The following LILRA1 variants were observed in gnomAD, a reference collection of about 807,000 sequenced individuals.
LILRA1 encodes the protein leukocyte immunoglobulin like receptor A1, also known as leukocyte immunoglobulin-like receptor subfamily A member 1.
In LILRA1, 51 loss-of-function variants were observed where a neutral mutation model predicts 51.6. The observed-to-expected ratio is 0.99, with a 90% CI of 0.79 to 1.25. LILRA1 has a LOEUF of 1.25. Ranked by LOEUF, LILRA1 falls within the 50% of genes most tolerant of loss-of-function variation. The probability of loss-of-function intolerance (pLI) is 0.00; values close to 1 mark genes in which losing one functional copy is unlikely to be tolerated. For missense variants in LILRA1, 660 were observed against 611.7 expected (o/e 1.08, Z -0.83); for synonymous variants, 305 against 248.4 (o/e 1.23, Z -2.14).
At chr19:54,598,072 G>A (rs181268252) in intron 7 of LILRA1, among the ~76,000 whole-genome samples, 62 of 151,542 alleles carry the variant, frequency 4.1e-4, no homozygotes, top group Admixed American at 3.3e-3. Flanking sequence ...GACTAAGGAG[G>A]GACCGTGCAC....
At chr19:54,599,924 A>T in intron 8 of LILRA1, among the ~76,000 whole-genome samples, 1 of 138,764 alleles carries the variant, frequency 7.2e-6, no homozygotes, top group African/African-American at 2.5e-5. Flanking sequence ...TCCATTTAGC[A>T]TATATATATA....
At position 54,595,647 on chromosome 19, in the gene LILRA1, A is replaced by C; in HGVS notation, c.670A>C (p.Lys224Gln). ...TGAGCACCTTTTCCCAGGTGTTTCT[A>C]AGAAGCCATCACTCTCAGTGCAGCC... ...LLELLVLGVS[K>Q]KPSLSVQPGP... The change falls in exon 6 of 10, where the codon AAG (lysine) becomes CAG (glutamine). Residue 224 changes from lysine to glutamine, a missense_variant. Physicochemically the swap from Lys to Gln is moderately conservative, Grantham distance 53. Coordinates refer to ENST00000251372, the MANE Select transcript of LILRA1 (RefSeq NM_006863.4). The C allele has an allele frequency of 2.5e-6, 4 of 1,606,376 alleles. No individual in the cohort carries two copies. Among genetic ancestry groups the C allele is most frequent in the East Asian group, 2.2e-5 (1 of 44,708 alleles).
intron 7 of LILRA1, among the ~76,000 whole-genome samples, chr19:54,596,962 C>G (rs2063071910): frequency 6.6e-6 from 1 of 152,016 alleles, no homozygotes; most frequent in Non-Finnish European, 1.5e-5. Context: ...GGCCTCCCAC[C>G]CCTGGCTCCC....
chr19:54,596,038 G>C (rs575023162), intron 6 of LILRA1, 103 bp downstream of exon 6: 31 of 1,391,246 alleles, frequency 2.2e-5, no homozygotes, highest in South Asian at 5.2e-5. Flanking sequence ...GGTCCCAAGG[G>C]AGGGAGAGAC....
chr19:54,596,058 CAG>C lies in LILRA1; in HGVS notation c.958+124_958+125del, dbSNP rs1347691716. On this transcript the variant is annotated intron_variant, in intron 6 of 9. Coordinates refer to ENST00000251372, the MANE Select transcript of LILRA1 (RefSeq NM_006863.4). ...CAAGGGAGGGAGAGACAGACAGAGA[CAG>C]GGGATGGGCGGGGCGGGGAAGACTC... 3 of 1,149,358 alleles carry C rather than the reference CAG, an allele frequency of 2.6e-6. No individual in the cohort carries two copies. In the East Asian group the frequency reaches 8.3e-5, roughly 32 times the overall value. The allele number at this position is 1,149,358 out of a possible 1,614,324, so 71.2% of individuals were successfully genotyped here.
chr19:54,596,327 C>T lies in LILRA1; in HGVS notation c.1097C>T (p.Pro366Leu), dbSNP rs554043948. ...LLTKAGAADA[P>L]LRLRSIHEYP... ...ACCAAGGCGGGAGCAGCTGATGCCC[C>T]CCTCCGTCTCAGATCAATACACGAA... The change falls in exon 7 of 10, where the codon CCC becomes CTC. Residue 366 changes from proline (P) to leucine (L), a missense_variant. Transcript: ENST00000251372. 2.4e-5 allele frequency: 38 copies of T among 1,614,100 alleles called. No individual in the cohort carries two copies. In the South Asian group the frequency reaches 3.3e-4, roughly 14 times the overall value.
intron 7 of LILRA1, 108 bp downstream of exon 7, chr19:54,596,599 G>GTAA: frequency 6.8e-7 from 1 of 1,477,580 alleles, no homozygotes; most frequent in East Asian, 2.3e-5. Context: ...TGGGCACGGT[G>GTAA]GCTTACACCT....
intron 7 of LILRA1, 64 bp from the exon 8 acceptor site, chr19:54,599,172 T>C: frequency 1.4e-6 from 2 of 1,453,482 alleles, no homozygotes; most frequent in Non-Finnish European, 9.2e-7. Context: ...TACATAATCT[T>C]ATATAGAATT....
In LILRA1 at chr19:54,596,854, G is replaced by A. The variant is rs1232855028; in HGVS notation, c.1261+363G>A. ...TGCACTCAATCCTGGGCAAGACAGCGAGACTCCATCTCAAAAAAAAAGGAA... is the reference window on the plus strand; with the variant it reads ...TGCACTCAATCCTGGGCAAGACAGCAAGACTCCATCTCAAAAAAAAAGGAA... On this transcript the variant is annotated intron_variant, in intron 7 of 9. Transcript: ENST00000251372. Among the ~76,000 whole-genome samples the A allele has an allele frequency of 4.6e-5, 7 of 151,764 alleles. No individual in the cohort carries two copies. In the East Asian group the frequency reaches 5.8e-4, roughly 13 times the overall value.
intron 7 of LILRA1, among the ~76,000 whole-genome samples, chr19:54,598,397 T>G (rs2063102950): frequency 6.6e-6 from 1 of 152,014 alleles, no homozygotes; most frequent in Non-Finnish European, 1.5e-5. Context: ...TTAACGAACT[T>G]CAGAAATGTT....
chr19:54,596,082 A>G, intron 6 of LILRA1, 107 bp from the exon 7 acceptor site: 6 of 1,514,422 alleles, frequency 4.0e-6, no homozygotes, highest in Non-Finnish European at 5.3e-6. Context: ...GGCGGGGAAG[A>G]CTCAGAGAAA....
rs113762506 is a variant in LILRA1, at chr19:54,597,817, C to T, written c.1261+1326C>T. ...ACTGTGATGAGGGTGAAGTCCACCC[C>T]GAGCAGAAATGAGTGATACACAACA... On this transcript the variant is annotated intron_variant, in intron 7 of 9. Transcript: ENST00000251372. 8.2e-3 allele frequency among the ~76,000 whole-genome samples: 1,246 copies of T among 151,760 alleles called. 43 individuals carry two copies. Among genetic ancestry groups the T allele is most frequent in the Admixed American group, 0.059 (902 of 15,232 alleles).
Position 54,596,350 on chromosome 19 carries a change from G to A in LILRA1, c.1120G>A (p.Glu374Lys), listed in dbSNP as rs150040624. Residue 374 changes from glutamate (E) to lysine (K), a missense_variant, in exon 7 of 10, where the codon GAA becomes AAA. Physicochemically the swap from Glu to Lys is moderately conservative, Grantham distance 56 (BLOSUM62 1). Transcript: ENST00000251372. ...DAPLRLRSIH[E>K]YPKYQAEFPM... ...CCCCCTCCGTCTCAGATCAATACAC[G>A]AATATCCTAAGTACCAGGCTGAATT... 3.4e-5 allele frequency: 55 copies of A among 1,605,690 alleles called. No homozygotes were observed. Among genetic ancestry groups the A allele is most frequent in the Admixed American group, 1.3e-4 (8 of 59,670 alleles).
chr19:54,599,821 C>T (rs147269125), intron 8 of LILRA1: 80 of 207,224 alleles, frequency 3.9e-4, no homozygotes, highest in East Asian at 2.9e-3. Context: ...ATATTTGATG[C>T]GGTAGGTGTT....
chr19:54,599,607 A>G (rs1568546619), intron 8 of LILRA1: 1 of 1,059,964 alleles, frequency 9.4e-7, no homozygotes, highest in Non-Finnish European at 1.2e-6. Flanking sequence ...AAACCGTAAG[A>G]CAATGGGAAA....
intron 8 of LILRA1, chr19:54,599,805 C>T (rs1167177917): frequency 2.5e-5 from 6 of 243,830 alleles, no homozygotes; most frequent in Non-Finnish European, 4.1e-5. Context: ...CATGCATATG[C>T]TTAATATATT....
chr19:54,599,267 C>T lies in LILRA1; in HGVS notation c.1293C>T (p.Asn431=). The change falls in exon 8 of 10, where the codon AAC becomes AAT. Residue 431 remains asparagine (N), a synonymous_variant. Coordinates refer to ENST00000251372, the MANE Select transcript of LILRA1 (RefSeq NM_006863.4). The part of the protein sequence containing the change: ...GAAETLSPPQ[N]KSDSKAGAAN... ...CTGAGACCCTCAGCCCACCACAAAA[C>T]AAGTCCGATTCCAAGGCTGGTGAGT... is the stretch of plus-strand genomic sequence containing the variant. 1 of 1,572,844 alleles carries T rather than the reference C, an allele frequency of 6.4e-7. No homozygotes were observed. The highest frequency in any genetic ancestry group is 8.7e-7 in the Non-Finnish European group (1 of 1,154,774).
Position 54,594,790 on chromosome 19 carries a change from A to G in LILRA1, c.196A>G (p.Thr66Ala). 1 of 1,614,050 alleles carries G rather than the reference A, an allele frequency of 6.2e-7. No homozygotes were observed. Among genetic ancestry groups the G allele is most frequent in the Non-Finnish European group, 8.5e-7 (1 of 1,179,970 alleles). ...QEYRLYREKK[T>A]APWITRIPQE... ...GTACCGTCTGTATAGAGAAAAGAAA[A>G]CAGCACCCTGGATTACACGGATCCC... The change falls in exon 4 of 10, where the codon ACA becomes GCA. Residue 66 changes from threonine (T) to alanine (A), a missense_variant. Coordinates refer to ENST00000251372, the MANE Select transcript of LILRA1 (RefSeq NM_006863.4).
Position 54,599,243 on chromosome 19 carries a change from T to C in LILRA1, c.1269T>C (p.Ala423=), listed in dbSNP as rs376597029. 2.5e-6 allele frequency: 4 copies of C among 1,572,166 alleles called. No individual in the cohort carries two copies. Among genetic ancestry groups the C allele is most frequent in the Non-Finnish European group, 3.5e-6 (4 of 1,154,554 alleles). The stretch of plus-strand genomic sequence containing the variant: ...CTCTGTTTTGATTCTCAGGAGCAGC[T>C]GAGACCCTCAGCCCACCACAAAACA... The part of the protein sequence containing the change: ...DSLELMVSGA[A]ETLSPPQNKS... The change falls in exon 8 of 10, where the codon GCT becomes GCC. Residue 423 remains alanine, a synonymous_variant. Transcript: ENST00000251372.
Sources: allele counts gnomAD v4.1 joint callset (sites outside exome capture counted in the v4.1 genomes callset), GRCh38; gene constraint gnomAD v4.1.1; transcripts MANE v1.5; gene names NCBI Gene and HGNC (gene_info 2026-07-23, HGNC 2026-07-21).